The following TJP1 variants were observed in gnomAD, a reference collection of about 807,000 sequenced individuals.
TJP1 encodes tight junction protein ZO-1.
In TJP1, 43 loss-of-function variants were observed where a neutral mutation model predicts 194.2. That is an observed-to-expected ratio of 0.22 (90% CI 0.17 to 0.29). The LOEUF (loss-of-function observed/expected upper bound fraction) is 0.29, where lower values mean the gene tolerates loss of function less well. Among genes scored for constraint, TJP1 ranks in the 10% least tolerant of loss-of-function variants. The probability of loss-of-function intolerance (pLI) is 1.00; values close to 1 mark genes in which losing one functional copy is unlikely to be tolerated. For missense variants in TJP1, 1,971 were observed against 2,185.7 expected (o/e 0.90, Z 1.96); for synonymous variants, 801 against 779.0 (o/e 1.03, Z -0.47).
intron 27 of TJP1, 42 bp downstream of exon 27, chr15:29,704,120 C>G: frequency 6.5e-7 from 1 of 1,538,534 alleles, no homozygotes; most frequent in Non-Finnish European, 8.8e-7. Flanking sequence ...TAATCAACGA[C>G]AGTCCCCAAA....
At position 29,786,684 on chromosome 15, in the gene TJP1, T is replaced by C. The variant is rs2047720825; in HGVS notation, c.85-13327A>G. Reference sequence around the variant, plus strand: ...CCTGGCTAAATTTTTTGGGGGTGTGTAGAGATAGGGTCTCACTATGTTGCC... The same window carrying C: ...CCTGGCTAAATTTTTTGGGGGTGTGCAGAGATAGGGTCTCACTATGTTGCC... On this transcript the variant is annotated intron_variant, in intron 2 of 27. Coordinates refer to ENST00000614355, the MANE Select transcript of TJP1 (RefSeq NM_001330239.4). Among the ~76,000 whole-genome samples, 2 of 152,068 alleles carry C rather than the reference T, an allele frequency of 1.3e-5. 1 individual carries two copies. The highest frequency in any genetic ancestry group is 4.2e-4 in the South Asian group (2 of 4,816).
At chr15:29,963,041 T>C (rs1470129575) in intron 1 of TJP1, among the ~76,000 whole-genome samples, 1 of 152,192 alleles carries the variant, frequency 6.6e-6, no homozygotes, top group Non-Finnish European at 1.5e-5. Flanking sequence ...CTTAGGAGGC[T>C]GAGGCAGAAG....
chr15:29,737,174 A>G (rs1168027490), intron 11 of TJP1, 90 bp downstream of exon 11: 6 of 1,476,876 alleles, frequency 4.1e-6, no homozygotes, highest in Admixed American at 3.8e-5. Context: ...ACAGATTACA[A>G]TCTAATTACA....
chr15:29,809,698 T>C (rs974942207), intron 1 of TJP1, among the ~76,000 whole-genome samples: 4 of 151,940 alleles, frequency 2.6e-5, no homozygotes, highest in African/African-American at 7.3e-5. Flanking sequence ...TACAAAAAAT[T>C]AGCCAGGCAT....
At chr15:29,776,268 G>GA (rs902299972) in intron 2 of TJP1, among the ~76,000 whole-genome samples, 1 of 151,996 alleles carries the variant, frequency 6.6e-6, no homozygotes, top group African/African-American at 2.4e-5. Context: ...TAAATCTAGA[G>GA]AAAAAAATTA....
At chr15:29,776,657 C>T (rs1470178592) in intron 2 of TJP1, among the ~76,000 whole-genome samples, 1 of 152,076 alleles carries the variant, frequency 6.6e-6, no homozygotes, top group East Asian at 1.9e-4. Flanking sequence ...TATAATTTTA[C>T]TATAGCATGC....
chr15:29,719,203 T>G, intron 20 of TJP1, 65 bp from the exon 21 acceptor site: 1 of 1,433,412 alleles, frequency 7.0e-7, no homozygotes, highest in Non-Finnish European at 9.4e-7. Flanking sequence ...TTTATTAGAC[T>G]GTGATTAAAT....
At chr15:29,869,966 C>A (rs908097876) in intron 2 of TJP1, among the ~76,000 whole-genome samples, 1 of 151,776 alleles carries the variant, frequency 6.6e-6, no homozygotes, top group African/African-American at 2.4e-5. Context: ...ACCACCACGT[C>A]TGGCTAATTT....
At chr15:29,925,654 T>A (rs1420292717) in intron 2 of TJP1, among the ~76,000 whole-genome samples, 1 of 152,222 alleles carries the variant, frequency 6.6e-6, no homozygotes, top group African/African-American at 2.4e-5. Context: ...TGTGTCACAC[T>A]GAGTCAGCAG....
rs187138455 is a variant in TJP1 at position 29,922,551 on chromosome 15, T to C, written c.306+33681A>G. 3.3e-4 allele frequency among the ~76,000 whole-genome samples: 51 copies of C among 152,276 alleles called. 1 individual carries two copies. Among genetic ancestry groups the C allele is most frequent in the African/African-American group, 1.1e-3 (47 of 41,564 alleles). On this transcript the variant is annotated intron_variant, in intron 2 of 28. Coordinates refer to the TJP1 transcript ENST00000356107. ...AGTTTAGAGTCTTCTAAAATTAAAG[T>C]AGAAAGAAATAATTGGTGTGAAAAT...
chr15:29,961,135 T>C (rs904645400), intron 1 of TJP1, among the ~76,000 whole-genome samples: 5 of 152,092 alleles, frequency 3.3e-5, no homozygotes, highest in East Asian at 1.9e-4. Context: ...CCATTTGACA[T>C]GGAATATAAA....
In TJP1 at chr15:29,700,948, G is replaced by C. The variant is rs759862785; in HGVS notation, c.*647C>G. On this transcript the variant is annotated 3_prime_UTR_variant, in exon 28 of 28. Coordinates refer to ENST00000614355, the MANE Select transcript of TJP1 (RefSeq NM_001330239.4). Reference sequence around the variant, plus strand: ...GAGGGTAAGGCATTTCTGCTGGTTAGTATGTCTGTGGTAATATGGTGAAGT... The same window carrying C: ...GAGGGTAAGGCATTTCTGCTGGTTACTATGTCTGTGGTAATATGGTGAAGT... The C allele has an allele frequency of 2.0e-5, 3 of 153,068 alleles. No individual in the cohort carries two copies. The highest frequency in any genetic ancestry group is 2.9e-5 in the Non-Finnish European group (2 of 68,354). 9.5% of individuals were successfully genotyped at this position (153,068 alleles called of 1,614,324 possible).
chr15:29,915,393 C>A (rs967791416), intron 2 of TJP1, among the ~76,000 whole-genome samples: 5 of 152,142 alleles, frequency 3.3e-5, no homozygotes, highest in African/African-American at 1.2e-4. Flanking sequence ...TCCCCAATTC[C>A]TCTTCTACAT....
At chr15:29,757,870 C>A (rs1186394711) in intron 8 of TJP1, among the ~76,000 whole-genome samples, 2 of 152,150 alleles carry the variant, frequency 1.3e-5, no homozygotes, top group Non-Finnish European at 2.9e-5. Flanking sequence ...CACTTACACT[C>A]GAATTTTCTT....
At chr15:29,879,071 C>T (rs1596167956) in intron 2 of TJP1, among the ~76,000 whole-genome samples, 3 of 152,100 alleles carry the variant, frequency 2.0e-5, no homozygotes, top group African/African-American at 7.2e-5. Context: ...TTGCAGTGAG[C>T]CAAGATTGTG....
intron 2 of TJP1, among the ~76,000 whole-genome samples, chr15:29,950,559 T>C (rs1206936039): frequency 6.6e-6 from 1 of 152,082 alleles, no homozygotes; most frequent in Non-Finnish European, 1.5e-5. Context: ...CCCACGATGC[T>C]CCCTGCAGTT....
At chr15:29,875,660 G>T (rs760266185) in intron 2 of TJP1, among the ~76,000 whole-genome samples, 2 of 152,092 alleles carry the variant, frequency 1.3e-5, no homozygotes, top group Admixed American at 1.3e-4. Flanking sequence ...TCCACCTCCC[G>T]GGTTCAAGCA....
At chr15:29,812,531 C>A (rs1362870267) in intron 1 of TJP1, among the ~76,000 whole-genome samples, 1 of 152,096 alleles carries the variant, frequency 6.6e-6, no homozygotes, top group African/African-American at 2.4e-5. Context: ...GGAGCAGTGC[C>A]CTCTCTTCTG....
exon 2 of TJP1, chr15:29,956,354 A>G (rs2152314151): frequency 7.8e-7 from 1 of 1,288,736 alleles, no homozygotes; most frequent in Non-Finnish European, 1.0e-6. Flanking sequence ...TTTTCAGAGG[A>G]TGGCGTTACC....
Sources: gnomAD v4.1 joint callset for allele counts (sites outside exome capture counted in the v4.1 genomes callset) on GRCh38, gnomAD v4.1.1 for gene constraint, MANE v1.5 for transcripts, NCBI Gene and HGNC (gene_info 2026-07-23, HGNC 2026-07-21) for gene names.